Variants in PDZRN4 observed in about 807,000 individuals in gnomAD.
PDZRN4 encodes PDZ domain containing ring finger 4.
PDZRN4 carries 70 observed loss-of-function variants against 99.0 expected under a neutral mutation model. The ratio of observed to expected loss-of-function variants is 0.71; its 90% CI spans 0.58 to 0.86. The LOEUF is 0.86. Ranked by LOEUF, PDZRN4 falls within the 40% of genes least tolerant of loss-of-function variation. The pLI is 0.00. For missense variants in PDZRN4, 1,474 were observed against 1,331.2 expected (o/e 1.11, Z -1.67); for synonymous variants, 551 against 501.6 (o/e 1.10, Z -1.32).
intron 3 of PDZRN4, among the ~76,000 whole-genome samples, chr12:41,367,490 C>T (rs1952009869): frequency 6.6e-6 from 1 of 151,966 alleles, no homozygotes; most frequent in Non-Finnish European, 1.5e-5. Context: ...GCCTGGGTGA[C>T]AGAGCAAGAC....
intron 3 of PDZRN4, chr12:41,437,708 C>A: frequency 2.1e-6 from 3 of 1,417,156 alleles, no homozygotes; most frequent in Non-Finnish European, 2.8e-6. Context: ...CATGAACTGA[C>A]TGGAAACTCT....
chr12:41,317,943 T>C (rs1199135272), intron 3 of PDZRN4, among the ~76,000 whole-genome samples: 1 of 152,140 alleles, frequency 6.6e-6, no homozygotes, highest in African/African-American at 2.4e-5. Context: ...GCAGGTTTTG[T>C]AAGTTGAAAA....
At chr12:41,302,367 T>C (rs1263965825) in intron 3 of PDZRN4, among the ~76,000 whole-genome samples, 2 of 152,160 alleles carry the variant, frequency 1.3e-5, no homozygotes, top group Admixed American at 1.3e-4. Context: ...ATATTGTAGC[T>C]TCTTGTGCAT....
intron 3 of PDZRN4, among the ~76,000 whole-genome samples, chr12:41,262,934 A>G (rs1445161541): frequency 6.6e-6 from 1 of 151,938 alleles, no homozygotes. Context: ...TGATTTTTTA[A>G]GTAGGGATAA....
chr12:41,212,609 T>C (rs1950895711), intron 3 of PDZRN4, among the ~76,000 whole-genome samples: 1 of 152,050 alleles, frequency 6.6e-6, no homozygotes, highest in Admixed American at 6.6e-5. Flanking sequence ...ACTGTGCTAA[T>C]ACTAGTTACA....
intron 3 of PDZRN4, among the ~76,000 whole-genome samples, chr12:41,379,631 T>C (rs1272827243): frequency 6.6e-6 from 1 of 151,950 alleles, no homozygotes; most frequent in Non-Finnish European, 1.5e-5. Flanking sequence ...GAGTGTGTTG[T>C]TTAATATCCA....
intron 3 of PDZRN4, among the ~76,000 whole-genome samples, chr12:41,451,137 A>C (rs1244836116): frequency 6.7e-6 from 1 of 150,300 alleles, no homozygotes; most frequent in South Asian, 2.1e-4. Context: ...TCTTCCATTC[A>C]ATTTAATACT....
intron 3 of PDZRN4, among the ~76,000 whole-genome samples, chr12:41,351,595 G>C (rs1951890904): frequency 6.6e-6 from 1 of 151,834 alleles, no homozygotes; most frequent in Non-Finnish European, 1.5e-5. Context: ...AGAGAACGGG[G>C]AGGTGCTACA....
intron 3 of PDZRN4, among the ~76,000 whole-genome samples, chr12:41,271,828 C>T (rs1052750993): frequency 3.9e-5 from 6 of 151,998 alleles, no homozygotes; most frequent in Non-Finnish European, 7.4e-5. Context: ...GCATTGAAAA[C>T]AAATACACTC....
chr12:41,207,521 C>T (rs1950859653), intron 3 of PDZRN4, among the ~76,000 whole-genome samples: 1 of 151,652 alleles, frequency 6.6e-6, no homozygotes, highest in African/African-American at 2.4e-5. Flanking sequence ...AATAAATTGT[C>T]TTACTGTAAT....
intron 3 of PDZRN4, among the ~76,000 whole-genome samples, chr12:41,362,345 G>A (rs1268282342): frequency 6.6e-6 from 1 of 151,850 alleles, no homozygotes; most frequent in Non-Finnish European, 1.5e-5. Context: ...CATTAGAGAA[G>A]AGAATCTGGA....
chr12:41,560,960 CTG>C (rs1294546890), intron 7 of PDZRN4, among the ~76,000 whole-genome samples: 2 of 152,134 alleles, frequency 1.3e-5, no homozygotes, highest in African/African-American at 4.8e-5. Flanking sequence ...TGACAGATTT[CTG>C]TGTCAGTGAT....
intron 7 of PDZRN4, among the ~76,000 whole-genome samples, chr12:41,558,633 C>T (rs969374612): frequency 6.6e-6 from 1 of 152,126 alleles, no homozygotes; most frequent in African/African-American, 2.4e-5. Context: ...AGAGAAAATA[C>T]CTGCTAGATA....
At chr12:41,363,678 G>A (rs1951978212) in intron 3 of PDZRN4, among the ~76,000 whole-genome samples, 1 of 13,016 alleles carries the variant, frequency 7.7e-5, no homozygotes, top group South Asian at 2.2e-3. Context: ...GGGTCATGAT[G>A]GCAGGAGTAA....
intron 3 of PDZRN4, among the ~76,000 whole-genome samples, chr12:41,488,764 A>G (rs1937825391): frequency 6.6e-6 from 1 of 152,234 alleles, no homozygotes. Context: ...CCTTTAAAAT[A>G]TAAAATGAAA....
chr12:41,450,674 C>T (rs2251672), intron 3 of PDZRN4, among the ~76,000 whole-genome samples: 77,409 of 151,992 alleles, frequency 0.51, 20,191 homozygotes, highest in African/African-American at 0.64. Flanking sequence ...GTAATCCCAG[C>T]ACTTTTGGGA....
chr12:41,550,672 CA>C (rs1939037183), intron 5 of PDZRN4, among the ~76,000 whole-genome samples: 3 of 152,094 alleles, frequency 2.0e-5, no homozygotes, highest in African/African-American at 7.2e-5. Flanking sequence ...CTTTGTCCAC[CA>C]GTCAGAAAGT....
intron 3 of PDZRN4, among the ~76,000 whole-genome samples, chr12:41,395,784 C>T (rs542194443): frequency 1.3e-5 from 2 of 152,118 alleles, no homozygotes; most frequent in Non-Finnish European, 2.9e-5. Context: ...ACTGGACACA[C>T]ATTGATTTCA....
chr12:41,521,641 G>A (rs1032906018), intron 5 of PDZRN4, among the ~76,000 whole-genome samples: 2 of 152,110 alleles, frequency 1.3e-5, no homozygotes, highest in Admixed American at 1.3e-4. Context: ...TGAAGCCTGT[G>A]AAGGTTAAAT....
Sources: gnomAD v4.1 joint callset for allele counts (sites outside exome capture counted in the v4.1 genomes callset) on GRCh38, gnomAD v4.1.1 for gene constraint, MANE v1.5 for transcripts, NCBI Gene and HGNC (gene_info 2026-07-23, HGNC 2026-07-21) for gene names.